SLC4A10: variants seen among roughly 807,000 people sequenced by gnomAD.
SLC4A10 encodes the protein sodium-driven chloride bicarbonate exchanger.
Under a neutral mutation model 137.7 loss-of-function variants are expected in SLC4A10, and 42 were observed. The ratio of observed to expected loss-of-function variants is 0.30; its 90% CI spans 0.24 to 0.39. The LOEUF (loss-of-function observed/expected upper bound fraction) is 0.39, where lower values mean the gene tolerates loss of function less well. SLC4A10 is among the 10% of genes least tolerant of loss of function. The pLI is 1.00. For synonymous variants in SLC4A10, 474 were observed against 464.1 expected, an observed-to-expected ratio of 1.02 and a Z score of -0.27; for missense variants, 925 against 1,355.0, an observed-to-expected ratio of 0.68 and a Z score of 4.98.
At chr2:161,945,183 T>TGTGC (rs1491248413) in intron 16 of SLC4A10, among the ~76,000 whole-genome samples, 4 of 1,090 alleles carry the variant, frequency 3.7e-3, no homozygotes, top group African/African-American at 8.9e-3. Context: ...AGTTTGTGTG[T>TGTGC]ATATATATAT....
At chr2:161,651,994 C>T (rs978149656) in intron 1 of SLC4A10, among the ~76,000 whole-genome samples, 16 of 152,210 alleles carry the variant, frequency 1.1e-4, no homozygotes, top group African/African-American at 3.4e-4. Flanking sequence ...ACAATATCAA[C>T]CTGACTTATC....
chr2:161,661,763 A>G (rs1010197534), intron 1 of SLC4A10, among the ~76,000 whole-genome samples: 1 of 152,196 alleles, frequency 6.6e-6, no homozygotes, highest in African/African-American at 2.4e-5. Flanking sequence ...GAATTATTCA[A>G]ACTGCATAGT....
At chr2:161,852,704 A>C (rs2059898592) in intron 4 of SLC4A10, among the ~76,000 whole-genome samples, 1 of 152,200 alleles carries the variant, frequency 6.6e-6, no homozygotes, top group Non-Finnish European at 1.5e-5. Context: ...AGGACTATAA[A>C]TTCAATTCAA....
chr2:161,758,109 TAAG>T (rs1373869794), intron 1 of SLC4A10, among the ~76,000 whole-genome samples: 10 of 151,958 alleles, frequency 6.6e-5, no homozygotes, highest in Non-Finnish European at 1.2e-4. Flanking sequence ...TTTGTATAAT[TAAG>T]AAAGTTATTT....
At chr2:161,664,040 T>G (rs1015649987) in intron 1 of SLC4A10, among the ~76,000 whole-genome samples, 1 of 152,056 alleles carries the variant, frequency 6.6e-6, no homozygotes, top group African/African-American at 2.4e-5. Flanking sequence ...TTGCTTTAGA[T>G]TCACACTGGT....
At chr2:161,871,879 C>T (rs906333078) in intron 6 of SLC4A10, among the ~76,000 whole-genome samples, 5 of 152,020 alleles carry the variant, frequency 3.3e-5, no homozygotes, top group African/African-American at 4.8e-5. Flanking sequence ...GATAAATATC[C>T]GTCCTTTTTA....
intron 23 of SLC4A10, among the ~76,000 whole-genome samples, chr2:161,972,923 A>G (rs772222900): frequency 3.2e-4 from 49 of 152,316 alleles, no homozygotes; most frequent in Non-Finnish European, 5.6e-4. Context: ...ACTAGAAAAC[A>G]CTTGTTTCTT....
chr2:161,709,415 G>A (rs932863094), intron 1 of SLC4A10, among the ~76,000 whole-genome samples: 2 of 151,532 alleles, frequency 1.3e-5, no homozygotes, highest in African/African-American at 2.4e-5. Flanking sequence ...TATCTGAACT[G>A]TTGTAAAGAC....
At chr2:161,660,736 C>G (rs1003617329) in intron 1 of SLC4A10, among the ~76,000 whole-genome samples, 2 of 151,428 alleles carry the variant, frequency 1.3e-5, no homozygotes, top group African/African-American at 4.9e-5. Flanking sequence ...TCACTGCAAC[C>G]TCTGCCTCAC....
chr2:161,875,962 A>G (rs1027290619), intron 8 of SLC4A10, among the ~76,000 whole-genome samples: 2 of 152,162 alleles, frequency 1.3e-5, no homozygotes, highest in South Asian at 2.1e-4. Flanking sequence ...TTAAATTTCC[A>G]TCTGTTTTTC....
intron 1 of SLC4A10, among the ~76,000 whole-genome samples, chr2:161,689,661 T>A (rs1022157632): frequency 2.0e-5 from 3 of 152,190 alleles, no homozygotes; most frequent in Admixed American, 6.5e-5. Context: ...GTAATTAATA[T>A]TTGGAAATCA....
chr2:161,821,640 T>C (rs996938182), intron 3 of SLC4A10, among the ~76,000 whole-genome samples: 1 of 152,166 alleles, frequency 6.6e-6, no homozygotes, highest in Non-Finnish European at 1.5e-5. Flanking sequence ...ATAACAATTT[T>C]TAACAGGAAG....
chr2:161,679,815 G>A (rs1346431316), intron 1 of SLC4A10, among the ~76,000 whole-genome samples: 1 of 151,120 alleles, frequency 6.6e-6, no homozygotes, highest in East Asian at 1.9e-4. Flanking sequence ...CTGAAAGCTA[G>A]GTCTTGTTAC....
At chr2:161,734,624 A>C (rs573735856) in intron 1 of SLC4A10, among the ~76,000 whole-genome samples, 1 of 152,284 alleles carries the variant, frequency 6.6e-6, no homozygotes, top group East Asian at 1.9e-4. Flanking sequence ...ATTTGAAATT[A>C]TCTTAAAGTA....
At chr2:161,965,937 A>G (rs752950379) in intron 23 of SLC4A10, among the ~76,000 whole-genome samples, 1 of 152,192 alleles carries the variant, frequency 6.6e-6, no homozygotes, top group Non-Finnish European at 1.5e-5. Context: ...AGCCCATACA[A>G]TGTAAAACAC....
intron 1 of SLC4A10, among the ~76,000 whole-genome samples, chr2:161,755,930 CA>C (rs1161754747): frequency 7.2e-5 from 11 of 151,958 alleles, no homozygotes; most frequent in African/African-American, 2.7e-4. Flanking sequence ...CCACCATGCC[CA>C]GCTAATTTTT....
intron 21 of SLC4A10, among the ~76,000 whole-genome samples, chr2:161,960,363 CAAA>C (rs369670130): frequency 2.2e-5 from 1 of 46,026 alleles, no homozygotes. Context: ...GACTCTGTCT[CAAA>C]AAAAAAAAAA....
intron 3 of SLC4A10, among the ~76,000 whole-genome samples, chr2:161,837,932 C>T (rs905954578): frequency 6.6e-6 from 1 of 152,170 alleles, no homozygotes; most frequent in African/African-American, 2.4e-5. Context: ...TGTGATATTA[C>T]AAGGAGAAAA....
chr2:161,632,369 G>A (rs1474813460), intron 1 of SLC4A10, among the ~76,000 whole-genome samples: 1 of 151,382 alleles, frequency 6.6e-6, no homozygotes, highest in South Asian at 2.1e-4. Context: ...CTCTCCAAAT[G>A]CTTCTGATTT....
Sources: gnomAD v4.1 joint callset for allele counts (sites outside exome capture counted in the v4.1 genomes callset) on GRCh38, gnomAD v4.1.1 for gene constraint, MANE v1.5 for transcripts, NCBI Gene and HGNC (gene_info 2026-07-23, HGNC 2026-07-21) for gene names.